Variants in VTI1A observed in about 807,000 individuals in gnomAD.
The protein encoded by VTI1A is vesicle transport through interaction with t-SNAREs homolog 1A.
Under a neutral mutation model 34.9 loss-of-function variants are expected in VTI1A, and 22 were observed. That is an observed-to-expected ratio of 0.63 (90% CI 0.45 to 0.90). The LOEUF is 0.90. Among genes scored for constraint, VTI1A ranks in the 40% least tolerant of loss-of-function variants. VTI1A has a pLI of 0.00. For missense variants in VTI1A, 268 were observed against 275.6 expected (o/e 0.97, Z 0.20); for synonymous variants, 87 against 97.3 (o/e 0.89, Z 0.62).
At chr10:112,475,953 C>T (rs1485771131) in intron 3 of VTI1A, among the ~76,000 whole-genome samples, 1 of 152,140 alleles carries the variant, frequency 6.6e-6, no homozygotes, top group African/African-American at 2.4e-5. Flanking sequence ...TTAACCAGCC[C>T]AGTGCAACTG....
intron 5 of VTI1A, among the ~76,000 whole-genome samples, chr10:112,620,648 G>C (rs565465769): frequency 1.3e-5 from 2 of 152,144 alleles, no homozygotes; most frequent in East Asian, 3.9e-4. Flanking sequence ...AAATAAGCTG[G>C]GCATGGTGGT....
intron 7 of VTI1A, among the ~76,000 whole-genome samples, chr10:112,733,264 A>T (rs906911651): frequency 3.9e-5 from 6 of 152,122 alleles, no homozygotes; most frequent in Non-Finnish European, 8.8e-5. Flanking sequence ...TTCATATGAA[A>T]TTAACCATTT....
At chr10:112,568,172 T>C (rs1018192717) in intron 5 of VTI1A, among the ~76,000 whole-genome samples, 2 of 151,980 alleles carry the variant, frequency 1.3e-5, no homozygotes, top group African/African-American at 2.4e-5. Flanking sequence ...AAAAATAAGT[T>C]TGTGGTCTCA....
At chr10:112,696,912 G>T (rs1424009508) in intron 7 of VTI1A, among the ~76,000 whole-genome samples, 2 of 152,156 alleles carry the variant, frequency 1.3e-5, no homozygotes, top group Non-Finnish European at 2.9e-5. Context: ...AAGGTGGCTG[G>T]CAGAAAACAC....
rs1484537358 is a variant in VTI1A, at chr10:112,724,135, G to GA, written c.560+55143dup. Among the ~76,000 whole-genome samples, 87 of 152,002 alleles carry GA rather than the reference G, an allele frequency of 5.7e-4. 1 individual carries two copies. The highest frequency in any genetic ancestry group is 2.1e-3 in the African/African-American group (86 of 41,376). On this transcript the variant is annotated intron_variant, in intron 7 of 7. Coordinates refer to ENST00000393077, the MANE Select transcript of VTI1A (RefSeq NM_145206.4). ...GTTTGCTAGTTGTGGTCATTTAATT[G>GA]AAAAAAGCTGGCACAGAGATATTAC...
intron 5 of VTI1A, among the ~76,000 whole-genome samples, chr10:112,564,845 T>C (rs1851853898): frequency 6.6e-6 from 1 of 152,192 alleles, no homozygotes; most frequent in African/African-American, 2.4e-5. Flanking sequence ...TGACTTTTGC[T>C]CAAACTTTAG....
intron 7 of VTI1A, among the ~76,000 whole-genome samples, chr10:112,742,374 G>A (rs1039603209): frequency 6.6e-6 from 1 of 152,160 alleles, no homozygotes; most frequent in Non-Finnish European, 1.5e-5. Flanking sequence ...CAGAACCCCA[G>A]CATCCTAGCC....
intron 7 of VTI1A, among the ~76,000 whole-genome samples, chr10:112,676,254 G>A (rs906083845): frequency 7.9e-5 from 12 of 151,654 alleles, no homozygotes; most frequent in East Asian, 1.9e-4. Context: ...CTGTCATGGC[G>A]CCACCATTCC....
chr10:112,753,126 G>C (rs1375453480), intron 7 of VTI1A, among the ~76,000 whole-genome samples: 1 of 151,962 alleles, frequency 6.6e-6, no homozygotes, highest in Non-Finnish European at 1.5e-5. Context: ...CTGAGGCAAT[G>C]GTGTTATATG....
At chr10:112,577,238 A>G (rs916336062) in intron 5 of VTI1A, among the ~76,000 whole-genome samples, 8 of 152,196 alleles carry the variant, frequency 5.3e-5, no homozygotes, top group African/African-American at 1.9e-4. Context: ...GTACTATCAC[A>G]TCTAGGGGTT....
chr10:112,750,424 C>T (rs1055074269), intron 7 of VTI1A, among the ~76,000 whole-genome samples: 2 of 152,250 alleles, frequency 1.3e-5, no homozygotes, highest in Middle Eastern at 6.8e-3. Flanking sequence ...CTGTGTTGCC[C>T]AGGCTGGTCT....
intron 3 of VTI1A, among the ~76,000 whole-genome samples, chr10:112,519,808 G>T (rs1258229307): frequency 2.0e-5 from 3 of 151,976 alleles, no homozygotes; most frequent in Non-Finnish European, 4.4e-5. Flanking sequence ...ATAACTTAGG[G>T]TCAGTTACGG....
chr10:112,531,127 A>G (rs555629422), intron 4 of VTI1A, among the ~76,000 whole-genome samples: 23 of 136,952 alleles, frequency 1.7e-4, no homozygotes, highest in Admixed American at 1.3e-3. Flanking sequence ...GCGCGCGCGC[A>G]TGAACCCTCA....
chr10:112,719,437 T>C (rs930344728), intron 7 of VTI1A, among the ~76,000 whole-genome samples: 2 of 152,224 alleles, frequency 1.3e-5, no homozygotes, highest in African/African-American at 4.8e-5. Flanking sequence ...TTAACAGCTT[T>C]ATTGAGATAT....
chr10:112,490,838 C>G (rs149641374), intron 3 of VTI1A, among the ~76,000 whole-genome samples: 1 of 152,192 alleles, frequency 6.6e-6, no homozygotes, highest in East Asian at 1.9e-4. Context: ...TTGCTGGCAG[C>G]CGGGACCTGG....
At chr10:112,462,900 A>T (rs764717559) in intron 2 of VTI1A, among the ~76,000 whole-genome samples, 55 of 71,250 alleles carry the variant, frequency 7.7e-4, no homozygotes, top group Admixed American at 2.9e-3. Flanking sequence ...ACTGGTTTTT[A>T]TTTATTTATT....
intron 7 of VTI1A, among the ~76,000 whole-genome samples, chr10:112,685,730 T>A (rs1395132090): frequency 6.6e-6 from 1 of 152,200 alleles, no homozygotes; most frequent in African/African-American, 2.4e-5. Flanking sequence ...AGTTTTTTAT[T>A]TAGTTACTTT....
chr10:112,542,746 T>G (rs1221811016), intron 5 of VTI1A, among the ~76,000 whole-genome samples: 2 of 152,152 alleles, frequency 1.3e-5, no homozygotes, highest in Admixed American at 6.5e-5. Context: ...ATTTTAAAGA[T>G]GAGAAAACAA....
chr10:112,557,096 A>G (rs1189056367), intron 5 of VTI1A, among the ~76,000 whole-genome samples: 1 of 152,096 alleles, frequency 6.6e-6, no homozygotes, highest in African/African-American at 2.4e-5. Flanking sequence ...TTCTTATGGA[A>G]GAAAAGCTTT....
Sources: allele counts gnomAD v4.1 joint callset (sites outside exome capture counted in the v4.1 genomes callset), GRCh38; gene constraint gnomAD v4.1.1; transcripts MANE v1.5; gene names NCBI Gene and HGNC (gene_info 2026-07-23, HGNC 2026-07-21).